Variants in MGRN1 observed in about 807,000 individuals in gnomAD.
MGRN1 encodes mahogunin ring finger 1.
MGRN1 carries 29 observed loss-of-function variants against 69.2 expected under a neutral mutation model. That is an observed-to-expected ratio of 0.42 (90% CI 0.31 to 0.57). The LOEUF is 0.57. Among genes scored for constraint, MGRN1 ranks in the 20% least tolerant of loss-of-function variants. MGRN1 has a pLI of 0.15. For synonymous variants in MGRN1, 470 were observed against 344.2 expected (o/e 1.37, Z -4.04); for missense variants, 998 against 796.2 (o/e 1.25, Z -3.05).
chr16:4,683,919 C>A lies in MGRN1; in HGVS notation c.1605C>A (p.Asp535Glu), dbSNP rs1164738429. 6.3e-7 allele frequency: 1 copy of A among 1,593,198 alleles called. No homozygotes were observed. Among genetic ancestry groups the A allele is most frequent in the East Asian group, 2.3e-5 (1 of 44,150 alleles). The change falls in exon 16 of 17, where the codon GAC (aspartate) becomes GAA (glutamate). Residue 535 changes from aspartate to glutamate, a missense_variant. By Grantham distance (45) the Asp-to-Glu change is conservative. Coordinates refer to ENST00000262370, the MANE Select transcript of MGRN1 (RefSeq NM_015246.4). ...PEHCGRGPPADIYLPGRPTSM... is the reference protein window; with the variant it reads ...PEHCGRGPPAEIYLPGRPTSM... ...ACTGTGGCCGAGGCCCACCTGCTGA[C>A]ATCTACCTGCCAGGTAAGGGGCTGG...
At chr16:4,649,188 C>T (rs891041416) in intron 1 of MGRN1, 8 of 152,378 alleles carry the variant, frequency 5.3e-5, no homozygotes, top group African/African-American at 1.9e-4. Flanking sequence ...CGAACTAGCC[C>T]AGATCCACAG....
intron 15 of MGRN1, 105 bp downstream of exon 15, chr16:4,683,374 C>A (rs1257755216): frequency 1.5e-6 from 2 of 1,351,416 alleles, no homozygotes; most frequent in East Asian, 2.4e-5. Context: ...ACCTCTTCTG[C>A]CCCAGGAACC....
intron 13 of MGRN1, 125 bp from the exon 14 acceptor site, chr16:4,682,698 A>C (rs547615137): frequency 2.3e-5 from 26 of 1,127,140 alleles, no homozygotes; most frequent in Non-Finnish European, 3.6e-6. Flanking sequence ...TTCTCCAGGG[A>C]GTGTCCTTGC....
intron 6 of MGRN1, 76 bp downstream of exon 6, chr16:4,664,851 T>C (rs1247056693): frequency 6.4e-7 from 1 of 1,569,748 alleles, no homozygotes; most frequent in African/African-American, 1.4e-5. Context: ...GAGGAGTGCT[T>C]GCAGCAGTGA....
At chr16:4,637,408 C>T (rs187186072) in intron 1 of MGRN1, among the ~76,000 whole-genome samples, 6 of 151,822 alleles carry the variant, frequency 4.0e-5, no homozygotes, top group Non-Finnish European at 5.9e-5. Flanking sequence ...CCAGCCTGAG[C>T]GACAGAGTGA....
chr16:4,668,711 C>T (rs1161701700), intron 8 of MGRN1, among the ~76,000 whole-genome samples: 3 of 137,006 alleles, frequency 2.2e-5, no homozygotes, highest in East Asian at 2.0e-4. Flanking sequence ...CATACACTCA[C>T]ACTCACTCAC....
intron 1 of MGRN1, among the ~76,000 whole-genome samples, chr16:4,639,062 C>T (rs566108904): frequency 1.3e-5 from 2 of 152,168 alleles, no homozygotes; most frequent in Admixed American, 1.3e-4. Flanking sequence ...CTCAGCCTCA[C>T]CGGGCCAGTT....
intron 5 of MGRN1, among the ~76,000 whole-genome samples, chr16:4,659,308 C>T (rs527905306): frequency 2.0e-5 from 3 of 152,210 alleles, no homozygotes; most frequent in East Asian, 3.9e-4. Flanking sequence ...TGCTGTGTGG[C>T]GTGTGTGCTG....
intron 16 of MGRN1, chr16:4,686,162 C>G (rs987192512): frequency 2.1e-6 from 3 of 1,417,576 alleles, no homozygotes; most frequent in Admixed American, 2.2e-5. Context: ...TAGACGGCCT[C>G]GACCGTGTCC....
intron 4 of MGRN1, among the ~76,000 whole-genome samples, chr16:4,653,320 CT>C (rs1567195431): frequency 6.6e-6 from 1 of 152,140 alleles, no homozygotes; most frequent in Non-Finnish European, 1.5e-5. Context: ...GGCGCACCAC[CT>C]TCCTCGTATT....
chr16:4,668,482 TACC>T (rs912637940), intron 8 of MGRN1, among the ~76,000 whole-genome samples, 170 bp downstream of exon 8: 11 of 151,434 alleles, frequency 7.3e-5, no homozygotes, highest in African/African-American at 2.4e-4. Context: ...CACACATACA[TACC>T]ATCAGACACT....
chr16:4,678,906 C>A (rs2141968205), intron 11 of MGRN1, among the ~76,000 whole-genome samples: 1 of 152,368 alleles, frequency 6.6e-6, no homozygotes, highest in South Asian at 2.1e-4. Context: ...ATGGGCCTCC[C>A]TGGCAGCAGG....
At chr16:4,653,670 G>C (rs2078458498) in intron 4 of MGRN1, among the ~76,000 whole-genome samples, 1 of 150,902 alleles carries the variant, frequency 6.6e-6, no homozygotes, top group Non-Finnish European at 1.5e-5. Context: ...TGTATTTTTA[G>C]TAGAGATGGG....
At chr16:4,673,924 G>A (rs1408964067) in intron 10 of MGRN1, among the ~76,000 whole-genome samples, 1 of 152,232 alleles carries the variant, frequency 6.6e-6, no homozygotes, top group Non-Finnish European at 1.5e-5. Flanking sequence ...CTACAGAGGC[G>A]CTCCAGGGCA....
chr16:4,668,166 G>C, intron 7 of MGRN1, 99 bp from the exon 8 acceptor site: 1 of 806,310 alleles, frequency 1.2e-6, no homozygotes, highest in South Asian at 2.0e-5. Context: ...CTGTGGGCAT[G>C]GATTGGCTGG....
chr16:4,673,719 G>A (rs909622504), intron 10 of MGRN1, 62 bp downstream of exon 10: 54 of 1,576,994 alleles, frequency 3.4e-5, no homozygotes, highest in Non-Finnish European at 4.1e-5. Flanking sequence ...GCCACACCAC[G>A]GTGGTCCTGG....
intron 10 of MGRN1, 118 bp downstream of exon 10, chr16:4,673,775 C>T: frequency 7.7e-7 from 1 of 1,302,090 alleles, no homozygotes; most frequent in Non-Finnish European, 1.1e-6. Flanking sequence ...GAAGAGTTGT[C>T]ATTCATCTAG....
chr16:4,687,364 C>G lies in MGRN1; in HGVS notation c.1619-1432C>G, dbSNP rs143080292. ...AGGAATTCAAGATCAGTGTAGAAAA[C>G]ATAGACCCCCTCTCTATGAAAAATA... On this transcript the variant is annotated intron_variant, in intron 16 of 16. Transcript: ENST00000262370. 1.2e-4 allele frequency: 108 copies of G among 936,266 alleles called. No homozygotes were observed. The African/African-American group carries it at 1.8e-3, about 15-fold the overall frequency. 58.0% of individuals were successfully genotyped at this position (936,266 alleles called of 1,614,324 possible).
chr16:4,629,036 T>C (rs1191952594), intron 1 of MGRN1, among the ~76,000 whole-genome samples: 1 of 150,506 alleles, frequency 6.6e-6, no homozygotes, highest in Non-Finnish European at 1.5e-5. Context: ...GGGGTTTCAC[T>C]ATGTTGGGAA....
Sources: gnomAD v4.1 joint callset for allele counts (sites outside exome capture counted in the v4.1 genomes callset) on GRCh38, gnomAD v4.1.1 for gene constraint, MANE v1.5 for transcripts, NCBI Gene and HGNC (gene_info 2026-07-23, HGNC 2026-07-21) for gene names.